The following ALKBH3 variants were observed in gnomAD, a reference collection of about 807,000 sequenced individuals.
ALKBH3 encodes the protein alkB homolog 3, alpha-ketoglutarate dependent dioxygenase.
In ALKBH3, 51 loss-of-function variants were observed where a neutral mutation model predicts 43.9. The observed-to-expected ratio is 1.16, with a 90% confidence interval of 0.93 to 1.47. ALKBH3 has a LOEUF of 1.47. ALKBH3 is among the 40% of genes most tolerant of loss of function. ALKBH3 has a pLI of 0.00. For synonymous variants in ALKBH3, 102 were observed against 115.2 expected, an observed-to-expected ratio of 0.89 and a Z score of 0.73; for missense variants, 361 against 351.9, an observed-to-expected ratio of 1.03 and a Z score of -0.21.
At chr11:43,919,889 A>G (rs779889577) in intron 9 of ALKBH3, 29 bp from the exon 10 acceptor site, 5 of 1,584,726 alleles carry the variant, frequency 3.2e-6, no homozygotes, top group East Asian at 2.2e-5. Flanking sequence ...GTGTGTATTT[A>G]TGTCAGAGTT....
At chr11:43,902,601 T>C (rs1427696349) in intron 8 of ALKBH3, among the ~76,000 whole-genome samples, 1 of 152,206 alleles carries the variant, frequency 6.6e-6, no homozygotes, top group Non-Finnish European at 1.5e-5. Context: ...TTTTTTTGTT[T>C]GCTTGTTTTT....
At chr11:43,909,874 C>T (rs1951923982) in intron 8 of ALKBH3, 2 of 152,152 alleles carry the variant, frequency 1.3e-5, no homozygotes, top group African/African-American at 2.4e-5. Context: ...CATCTGAAGT[C>T]TCCCCTTTCT....
In ALKBH3 at chr11:43,883,981, A is replaced by C; in HGVS notation, c.184-2A>C. The C allele has an allele frequency of 6.2e-7, 1 of 1,613,806 alleles. No homozygotes were observed. The highest frequency in any genetic ancestry group is 8.5e-7 in the Non-Finnish European group (1 of 1,179,840). On this transcript the variant is annotated splice_acceptor_variant, in intron 3 of 9. Coordinates refer to ENST00000302708, the MANE Select transcript of ALKBH3 (RefSeq NM_139178.4). LOFTEE classifies it high-confidence loss of function. ...AAGTAAGATCCGCCTATTTCCTTGC[A>C]GGTAGTACGTAGAGCTCCTGAGCCA...
rs1490721693 is a variant in ALKBH3, at chr11:43,883,075, C to G, written c.80-10C>G. The G allele has an allele frequency of 2.5e-6, 4 of 1,612,180 alleles. No homozygotes were observed. In the South Asian group the frequency reaches 4.4e-5, roughly 18 times the overall value. ...CCCCTGGTTTGAGGCTGTCCCCTCT[C>G]TTGCTTCAGCTACCACTGCTAAGAG... On this transcript the variant is annotated splice_polypyrimidine_tract_variant and intron_variant, in intron 2 of 9. Transcript: ENST00000302708.
At chr11:43,899,530 C>A in intron 7 of ALKBH3, 1 of 685,528 alleles carries the variant, frequency 1.5e-6, no homozygotes, top group South Asian at 1.5e-5. Context: ...CTTCTCCAGC[C>A]AGTCTCACTC....
intron 7 of ALKBH3, chr11:43,898,987 C>G: frequency 1.3e-6 from 1 of 753,762 alleles, no homozygotes; most frequent in Non-Finnish European, 2.5e-6. Context: ...AAGCTCTGGA[C>G]TGAGACCATC....
At chr11:43,898,739 C>T (rs1178871080) in intron 7 of ALKBH3, 2 of 721,730 alleles carry the variant, frequency 2.8e-6, no homozygotes, top group Non-Finnish European at 2.6e-6. Flanking sequence ...ATCCTGCGGT[C>T]ACCCAGGGTA....
chr11:43,920,178 G>C lies in ALKBH3; in HGVS notation c.*168G>C. ...TAAATGAAAGCCAGCAACTCATGTT[G>C]GTAATAGGTCTACTGTGGGAACAGT... On this transcript the variant is annotated 3_prime_UTR_variant, in exon 10 of 10. Transcript: ENST00000302708. The C allele has an allele frequency of 1.6e-6, 1 of 609,152 alleles. No homozygotes were observed. Among genetic ancestry groups the C allele is most frequent in the Non-Finnish European group, 2.9e-6 (1 of 345,102 alleles). 37.7% of individuals were successfully genotyped at this position (609,152 alleles called of 1,614,324 possible). A position where few individuals can be genotyped will look rare whatever the true frequency, so the allele number is the denominator to read the frequency against.
chr11:43,887,941 A>G (rs1369630148), intron 5 of ALKBH3, among the ~76,000 whole-genome samples: 1 of 150,102 alleles, frequency 6.7e-6, no homozygotes, highest in Non-Finnish European at 1.5e-5. Context: ...GGCACGTGCC[A>G]CCATGCCCAG....
intron 8 of ALKBH3, among the ~76,000 whole-genome samples, chr11:43,906,422 C>CT (rs1951896408): frequency 1.3e-5 from 2 of 152,182 alleles, no homozygotes; most frequent in Admixed American, 1.3e-4. Flanking sequence ...GTTAGATAAG[C>CT]TAGTACTATG....
intron 8 of ALKBH3, among the ~76,000 whole-genome samples, chr11:43,906,511 A>G (rs1416408534): frequency 6.6e-6 from 1 of 152,174 alleles, no homozygotes; most frequent in Non-Finnish European, 1.5e-5. Context: ...TATCCTTCCT[A>G]TTAATCCATC....
chr11:43,913,262 T>C lies in ALKBH3; in HGVS notation c.670-5776T>C, dbSNP rs777179492. 4.7e-4 allele frequency among the ~76,000 whole-genome samples: 71 copies of C among 152,162 alleles called. 1 individual carries two copies. The highest frequency in any genetic ancestry group is 9.4e-4 in the Non-Finnish European group (64 of 68,026). On this transcript the variant is annotated intron_variant, in intron 8 of 9. Transcript: ENST00000302708. ...GTTTGTTATATAGGTAACTTGTCTG[T>C]CACGGGGGTTTGGTATACAGATTAT...
chr11:43,915,303 C>T (rs1206212482), intron 8 of ALKBH3, among the ~76,000 whole-genome samples: 1 of 151,596 alleles, frequency 6.6e-6, no homozygotes, highest in Non-Finnish European at 1.5e-5. Context: ...TTTTTCGTTA[C>T]TGTCAGTTGA....
intron 1 of ALKBH3, 28 bp from the exon 2 acceptor site, chr11:43,882,555 C>G: frequency 9.2e-7 from 1 of 1,084,370 alleles, no homozygotes; most frequent in Non-Finnish European, 1.3e-6. Flanking sequence ...TAACTAAAAG[C>G]ACTGTTTTGT....
At chr11:43,892,224 T>C in intron 7 of ALKBH3, 95 bp downstream of exon 7, 1 of 1,086,250 alleles carries the variant, frequency 9.2e-7, no homozygotes, top group Non-Finnish European at 1.3e-6. Context: ...CAGAGATTCA[T>C]GCTGGTTCCT....
chr11:43,910,007 T>C (rs1951925644), intron 8 of ALKBH3: 1 of 152,236 alleles, frequency 6.6e-6, no homozygotes, highest in African/African-American at 2.4e-5. Context: ...ATCATCTCTC[T>C]TCCTTGTAAT....
At chr11:43,899,572 AC>A (rs1951845918) in intron 7 of ALKBH3, 1 of 634,854 alleles carries the variant, frequency 1.6e-6, no homozygotes, top group South Asian at 1.6e-5. Context: ...GTGCCGCACC[AC>A]CTGCACCTAG....
Position 43,892,127 on chromosome 11 carries a change from C to G in ALKBH3, c.457C>G (p.His153Asp), listed in dbSNP as rs145573011. ...AAGAATCACTATGGAACCAAATCCT[C>G]ACGTATGTCAACATATTGTCATTGG... ...YSRITMEPNP[H>D]WHPVLRTLKN... Residue 153 changes from histidine to aspartate, a missense_variant and splice_region_variant, in exon 7 of 10, where the codon CAC (histidine) becomes GAC (aspartate). Physicochemically the swap from His to Asp is moderately conservative, Grantham distance 81. Transcript: ENST00000302708. 489 of 1,602,400 alleles carry G rather than the reference C, an allele frequency of 3.1e-4. 3 individuals carry two copies. The African/African-American group carries it at 5.9e-3, about 19-fold the overall frequency.
rs139846677 is a variant in ALKBH3, at chr11:43,919,952, C to T, written c.803C>T (p.Pro268Leu). Reference protein sequence around the residue: ...RVPKEYHSREPRVNLTFRTVY... With the variant: ...RVPKEYHSRELRVNLTFRTVY... The stretch of plus-strand genomic sequence containing the variant: ...CCCAAAGAATACCACTCTAGAGAAC[C>T]GAGAGTGAACCTGACCTTTCGGACA... The change falls in exon 10 of 10, where the codon CCG becomes CTG. Residue 268 changes from proline to leucine, a missense_variant. Physicochemically the swap from Pro to Leu is moderately conservative, Grantham distance 98. Coordinates refer to ENST00000302708, the MANE Select transcript of ALKBH3 (RefSeq NM_139178.4). The T allele has an allele frequency of 2.1e-5, 34 of 1,614,006 alleles. 1 individual carries two copies. The African/African-American group carries it at 2.4e-4, about 11-fold the overall frequency.
Sources: gnomAD v4.1 joint callset for allele counts (sites outside exome capture counted in the v4.1 genomes callset) on GRCh38, gnomAD v4.1.1 for gene constraint, MANE v1.5 for transcripts, NCBI Gene and HGNC (gene_info 2026-07-23, HGNC 2026-07-21) for gene names.